HSD17B12: variants seen among roughly 807,000 people sequenced by gnomAD.
HSD17B12 encodes very-long-chain 3-oxoacyl-CoA reductase.
In HSD17B12, 32 loss-of-function variants were observed where a neutral mutation model predicts 39.3. That is an observed-to-expected ratio of 0.81 (90% CI 0.61 to 1.09). HSD17B12 has a LOEUF of 1.09. HSD17B12 is among the 50% of genes least tolerant of loss of function. HSD17B12 has a pLI of 0.00. For synonymous variants in HSD17B12, 150 were observed against 146.7 expected (o/e 1.02, Z -0.16); for missense variants, 342 against 382.9 (o/e 0.89, Z 0.89).
chr11:43,710,832 C>G (rs940791190), intron 1 of HSD17B12, among the ~76,000 whole-genome samples: 5 of 152,014 alleles, frequency 3.3e-5, no homozygotes, highest in African/African-American at 7.2e-5. Flanking sequence ...GCTCTGTTGC[C>G]CAGACTGGAG....
intron 3 of HSD17B12, among the ~76,000 whole-genome samples, chr11:43,756,628 G>A (rs1283445358): frequency 6.6e-6 from 1 of 152,194 alleles, no homozygotes; most frequent in East Asian, 1.9e-4. Context: ...TACATAGGCA[G>A]AAAGTAGATG....
At chr11:43,827,918 A>G in intron 6 of HSD17B12, among the ~76,000 whole-genome samples, 1 of 152,190 alleles carries the variant, frequency 6.6e-6, no homozygotes, top group Non-Finnish European at 1.5e-5. Flanking sequence ...CTTTTTGGCT[A>G]GCTTGCATAT....
intron 3 of HSD17B12, among the ~76,000 whole-genome samples, chr11:43,789,024 G>C (rs891204907): frequency 6.6e-6 from 1 of 152,062 alleles, no homozygotes; most frequent in Non-Finnish European, 1.5e-5. Context: ...TTTTCTTTCC[G>C]CTTCTCTGTG....
intron 1 of HSD17B12, among the ~76,000 whole-genome samples, chr11:43,684,266 A>G (rs1380353282): frequency 6.6e-6 from 1 of 152,254 alleles, no homozygotes; most frequent in East Asian, 1.9e-4. Flanking sequence ...ATTTCTTAGG[A>G]GAACAAAAGG....
intron 3 of HSD17B12, among the ~76,000 whole-genome samples, chr11:43,756,411 T>G (rs889009690): frequency 6.6e-6 from 1 of 152,160 alleles, no homozygotes; most frequent in Non-Finnish European, 1.5e-5. Flanking sequence ...GAATCTGAAT[T>G]AAGCCATGAC....
upstream of HSD17B12, among the ~76,000 whole-genome samples, chr11:43,679,876 A>AC (rs1334830674): frequency 6.6e-6 from 1 of 152,080 alleles, no homozygotes; most frequent in Non-Finnish European, 1.5e-5. Context: ...AGTGAGTGTA[A>AC]CCCGGGCGAA....
chr11:43,646,990 T>C, the HSD17B12 span, among the ~76,000 whole-genome samples: 1 of 152,216 alleles, frequency 6.6e-6, no homozygotes, highest in Non-Finnish European at 1.5e-5. Context: ...TTGCACAGTT[T>C]CAACGAAACT....
the HSD17B12 span, among the ~76,000 whole-genome samples, chr11:43,617,561 T>C: frequency 1.3e-5 from 2 of 152,234 alleles, no homozygotes; most frequent in East Asian, 3.9e-4. Context: ...GCAAGATCAT[T>C]TCTCTTTGGC....
Position 43,785,357 on chromosome 11 carries a change from G to A in HSD17B12, c.284-12963G>A, listed in dbSNP as rs12224479. Among the ~76,000 whole-genome samples, 633 of 152,256 alleles carry A rather than the reference G, an allele frequency of 4.2e-3. 7 individuals are homozygous for A. The East Asian group carries it at 0.044, about 11-fold the overall frequency. ...ACCTGGGAAAAAGGTTGAATACAGCGACAGAACAATAGGAAAACAGTTAAT... is the reference window on the plus strand; with the variant it reads ...ACCTGGGAAAAAGGTTGAATACAGCAACAGAACAATAGGAAAACAGTTAAT... On this transcript the variant is annotated intron_variant, in intron 3 of 10. Coordinates refer to ENST00000278353, the MANE Select transcript of HSD17B12 (RefSeq NM_016142.3).
At chr11:43,816,311 T>C in intron 5 of HSD17B12, 36 bp from the exon 6 acceptor site, 2 of 1,426,794 alleles carry the variant, frequency 1.4e-6, no homozygotes, top group South Asian at 1.3e-5. Flanking sequence ...ACTTTCATGA[T>C]CAAGTGTATA....
At position 43,750,911 on chromosome 11, in the gene HSD17B12, TTG is replaced by T; in HGVS notation, c.163_164del (p.Val55HisfsTer3). The T allele has an allele frequency of 6.3e-7, 1 of 1,598,834 alleles. No homozygotes were observed. Among genetic ancestry groups the T allele is most frequent in the Non-Finnish European group, 8.5e-7 (1 of 1,171,014 alleles). On this transcript the variant is annotated frameshift_variant and splice_region_variant, in exon 2 of 11. Transcript: ENST00000278353. LOFTEE classifies it high-confidence loss of function. ...ACTATTGCTTTTTTCCCTTTCCCAG[TTG>T]TCACAGGTAGTACTGATGGAATTGG...
intron 3 of HSD17B12, among the ~76,000 whole-genome samples, chr11:43,787,022 A>G (rs1243576080): frequency 6.6e-6 from 1 of 151,810 alleles, no homozygotes; most frequent in Non-Finnish European, 1.5e-5. Context: ...GCTCACTTCA[A>G]CCTCCTCCTC....
chr11:43,741,360 A>T (rs1425097323), intron 1 of HSD17B12, among the ~76,000 whole-genome samples: 2 of 152,200 alleles, frequency 1.3e-5, no homozygotes, highest in African/African-American at 4.8e-5. Flanking sequence ...AGAAACACTG[A>T]TTTAAACAAG....
chr11:43,696,994 C>T (rs1267240035), intron 1 of HSD17B12, among the ~76,000 whole-genome samples: 1 of 151,360 alleles, frequency 6.6e-6, no homozygotes, highest in Non-Finnish European at 1.5e-5. Flanking sequence ...GGGAACAACA[C>T]ACACCAGGAC....
intron 1 of HSD17B12, among the ~76,000 whole-genome samples, chr11:43,701,912 CT>C (rs1258345185): frequency 1.3e-5 from 2 of 152,102 alleles, no homozygotes; most frequent in African/African-American, 4.8e-5. Context: ...TTGTAGATTG[CT>C]TTGGGTAGTA....
At chr11:43,635,613 G>A in the HSD17B12 span, among the ~76,000 whole-genome samples, 1 of 152,164 alleles carries the variant, frequency 6.6e-6, no homozygotes, top group East Asian at 1.9e-4. Flanking sequence ...AACACAAAAG[G>A]GTTTGAGGAC....
the HSD17B12 span, among the ~76,000 whole-genome samples, chr11:43,666,825 C>A: frequency 5.3e-5 from 8 of 152,314 alleles, no homozygotes; most frequent in Admixed American, 1.3e-4. Flanking sequence ...GTAAACAGGG[C>A]AACATGAGAC....
chr11:43,650,183 A>G, the HSD17B12 span, among the ~76,000 whole-genome samples: 1 of 152,190 alleles, frequency 6.6e-6, no homozygotes, highest in Non-Finnish European at 1.5e-5. Context: ...TTGTTTGATA[A>G]TGGGTACAAT....
At chr11:43,817,017 T>TAGATATAG (rs1491376088) in intron 6 of HSD17B12, among the ~76,000 whole-genome samples, 5 of 21,726 alleles carry the variant, frequency 2.3e-4, no homozygotes, top group African/African-American at 6.0e-4. Flanking sequence ...TATCTATATC[T>TAGATATAG]ATATCTATAT....
Sources: gnomAD v4.1 joint callset for allele counts (sites outside exome capture counted in the v4.1 genomes callset) on GRCh38, gnomAD v4.1.1 for gene constraint, MANE v1.5 for transcripts, NCBI Gene and HGNC (gene_info 2026-07-23, HGNC 2026-07-21) for gene names.